WFDC3: variants seen among roughly 807,000 people sequenced by gnomAD.
The protein encoded by WFDC3 is WAP four-disulfide core domain protein 3.
A neutral mutation model predicts 25.8 loss-of-function variants in WFDC3; 15 were observed. The ratio of observed to expected loss-of-function variants is 0.58; its 90% CI spans 0.39 to 0.89. The LOEUF (loss-of-function observed/expected upper bound fraction) is 0.89. WFDC3 is among the 40% of genes least tolerant of loss of function. The pLI is 0.00. For missense variants in WFDC3, 264 were observed against 289.8 expected (o/e 0.91, Z 0.65); for synonymous variants, 103 against 107.1 (o/e 0.96, Z 0.24).
At chr20:45,782,720 GC>G (rs1229337427) in intron 4 of WFDC3, among the ~76,000 whole-genome samples, 2 of 152,092 alleles carry the variant, frequency 1.3e-5, no homozygotes, top group Non-Finnish European at 2.9e-5. Flanking sequence ...CCCAGTCTAA[GC>G]CCCGATCATC....
chr20:45,789,835 C>T (rs1286590459), intron 2 of WFDC3, 59 bp downstream of exon 2: 8 of 1,510,908 alleles, frequency 5.3e-6, no homozygotes, highest in East Asian at 4.5e-5. Flanking sequence ...GGGATGAGTT[C>T]TCCTCTCCTC....
chr20:45,788,801 TA>T, intron 3 of WFDC3, 129 bp downstream of exon 3: 1 of 1,299,102 alleles, frequency 7.7e-7, no homozygotes, highest in Non-Finnish European at 1.0e-6. Context: ...CCTAAAAGAG[TA>T]AAGAAGAAGT....
In WFDC3 at chr20:45,784,075, C is replaced by T. The variant is rs112274142; in HGVS notation, c.358+3761G>A. The stretch of plus-strand genomic sequence containing the variant: ...CAGAGCAGCTCACAAAGGTACTGTG[C>T]CTGGGTGCCAGCCTCGCCCTTAGCC... On this transcript the variant is annotated intron_variant, in intron 4 of 6. Transcript: ENST00000243938. Among the ~76,000 whole-genome samples, 468 of 152,308 alleles carry T rather than the reference C, an allele frequency of 3.1e-3. 4 individuals carry two copies. The highest frequency in any genetic ancestry group is 0.011 in the African/African-American group (453 of 41,566).
chr20:45,786,833 G>A lies in WFDC3; in HGVS notation c.358+1003C>T, dbSNP rs548734058. Among the ~76,000 whole-genome samples, 6 of 152,178 alleles carry A rather than the reference G, an allele frequency of 3.9e-5. No homozygotes were observed. In the South Asian group the frequency reaches 1.0e-3, roughly 26 times the overall value. ...GAGCAGGCCAGGCATGGTGGCTCAC[G>A]CCTGTAATCCCAGTACTTTGGGAGG... On this transcript the variant is annotated intron_variant, in intron 4 of 6. Transcript: ENST00000243938.
chr20:45,776,278 CTGTGTGTGTGTGTGTG>C (rs3080047), intron 5 of WFDC3, among the ~76,000 whole-genome samples: 3 of 102,036 alleles, frequency 2.9e-5, no homozygotes, highest in South Asian at 6.4e-4. Flanking sequence ...GCTTTTATCT[CTGTGTGTGTGTGTGTG>C]TGTGTGTGTG....
chr20:45,781,983 AC>A (rs1176101260), intron 4 of WFDC3, among the ~76,000 whole-genome samples: 1 of 152,180 alleles, frequency 6.6e-6, no homozygotes, highest in Admixed American at 6.5e-5. Context: ...TCAGCCAGAC[AC>A]CCAGGGAGGC....
At chr20:45,789,808 G>T in intron 2 of WFDC3, 86 bp downstream of exon 2, 1 of 1,225,530 alleles carries the variant, frequency 8.2e-7, no homozygotes. Flanking sequence ...AAGCAACCTT[G>T]CTCTGGGAGA....
Position 45,777,090 on chromosome 20 carries a change from C to T in WFDC3, c.478G>A (p.Gly160Arg), listed in dbSNP as rs547766679. 355 of 1,612,842 alleles carry T rather than the reference C, an allele frequency of 2.2e-4. 5 individuals are homozygous for T. In the South Asian group the frequency reaches 3.6e-3, roughly 17 times the overall value. ...CSTGCGRTCL[G>R]DIEGGRGGDC... is the part of the protein sequence containing the mutation. ...GCCAACATACCTCCCTCAATGTCTC[C>T]GAGGCAGGTGCGGCCACAGCCGGTG... Residue 160 changes from glycine to arginine, a missense_variant, in exon 5 of 7, where the codon GGA becomes AGA. Physicochemically the swap from Gly to Arg is moderately radical, Grantham distance 125 (BLOSUM62 -2). Coordinates refer to ENST00000243938, the MANE Select transcript of WFDC3 (RefSeq NM_080614.2).
chr20:45,777,321 G>C, intron 4 of WFDC3, 112 bp from the exon 5 acceptor site: 1 of 1,089,990 alleles, frequency 9.2e-7, no homozygotes, highest in Non-Finnish European at 1.2e-6. Context: ...CATATATAAT[G>C]TAAATATTTA....
At chr20:45,781,329 C>T (rs1439426792) in intron 4 of WFDC3, among the ~76,000 whole-genome samples, 1 of 152,176 alleles carries the variant, frequency 6.6e-6, no homozygotes, top group African/African-American at 2.4e-5. Context: ...AACCAAGAAG[C>T]ACTGGGACTC....
rs190338189 is a variant in WFDC3, at chr20:45,787,504, G to A, written c.358+332C>T. 7.7e-3 allele frequency among the ~76,000 whole-genome samples: 1,177 copies of A among 151,872 alleles called. 7 individuals carry two copies. The highest frequency in any genetic ancestry group is 0.011 in the Non-Finnish European group (747 of 67,946). On this transcript the variant is annotated intron_variant, in intron 4 of 6. Transcript: ENST00000243938. ...GACGGAGTTTCGCCGTGTTAGCCAG[G>A]ATGGTCTCGATCTCCTGACCTCGTG...
chr20:45,775,655 C>T, intron 5 of WFDC3, 53 bp from the exon 6 acceptor site: 1 of 1,601,846 alleles, frequency 6.2e-7, no homozygotes, highest in Middle Eastern at 1.7e-4. Flanking sequence ...TCTGCCATCT[C>T]CATGTTCCCA....
intron 4 of WFDC3, among the ~76,000 whole-genome samples, chr20:45,781,085 C>CAA (rs796825499): frequency 2.8e-5 from 3 of 106,348 alleles, no homozygotes; most frequent in African/African-American, 1.3e-4. Context: ...ACTAAAAATA[C>CAA]AAAAAAAAAA....
chr20:45,782,518 C>T (rs1293768263), intron 4 of WFDC3, among the ~76,000 whole-genome samples: 1 of 152,034 alleles, frequency 6.6e-6, no homozygotes, highest in African/African-American at 2.4e-5. Context: ...GCTGGGATTA[C>T]AGACGCCCAC....
chr20:45,788,669 C>T, intron 3 of WFDC3: 1 of 363,980 alleles, frequency 2.7e-6, no homozygotes, highest in Non-Finnish European at 4.9e-6. Context: ...CTTTACAACT[C>T]TTCCCTCCAG....
chr20:45,784,035 G>GGGCT (rs1199553932), intron 4 of WFDC3, among the ~76,000 whole-genome samples: 8 of 152,224 alleles, frequency 5.3e-5, no homozygotes, highest in Admixed American at 4.6e-4. Flanking sequence ...AGCCCTATCT[G>GGGCT]GGCTGGCCAG....
At position 45,775,614 on chromosome 20, in the gene WFDC3, A is replaced by G. The variant is rs748145619; in HGVS notation, c.494-12T>C. 4 of 1,613,902 alleles carry G rather than the reference A, an allele frequency of 2.5e-6. No homozygotes were observed. Among genetic ancestry groups the G allele is most frequent in the South Asian group, 2.2e-5 (2 of 91,060 alleles). ...ATCACCGCCCCGCCCTGTGGGAACAACAGGCACAGGAAAAGGGACAGGGCA... is the reference window on the plus strand; with the variant it reads ...ATCACCGCCCCGCCCTGTGGGAACAGCAGGCACAGGAAAAGGGACAGGGCA... On this transcript the variant is annotated splice_polypyrimidine_tract_variant and intron_variant, in intron 5 of 6. Transcript: ENST00000243938.
intron 4 of WFDC3, among the ~76,000 whole-genome samples, chr20:45,783,080 C>T (rs1194495801): frequency 6.6e-6 from 1 of 151,582 alleles, no homozygotes; most frequent in Non-Finnish European, 1.5e-5. Context: ...ACTATATGAG[C>T]AAGCCCCAGG....
intron 4 of WFDC3, among the ~76,000 whole-genome samples, chr20:45,780,511 G>A (rs1486508556): frequency 6.6e-6 from 1 of 152,118 alleles, no homozygotes; most frequent in African/African-American, 2.4e-5. Flanking sequence ...TGCCATGCTA[G>A]GTAAGGTCAG....
Sources: allele counts gnomAD v4.1 joint callset (sites outside exome capture counted in the v4.1 genomes callset), GRCh38; gene constraint gnomAD v4.1.1; transcripts MANE v1.5; gene names NCBI Gene and HGNC (gene_info 2026-07-23, HGNC 2026-07-21).